Variants in CASP6 observed in about 807,000 individuals in gnomAD.
The protein encoded by CASP6 is caspase 6.
In CASP6, 20 loss-of-function variants were observed where a neutral mutation model predicts 31.8. The ratio of observed to expected loss-of-function variants is 0.63; its 90% CI spans 0.44 to 0.91. The LOEUF is 0.91. Ranked by LOEUF, CASP6 falls within the 40% of genes least tolerant of loss-of-function variation. CASP6 has a pLI of 0.00. For synonymous variants in CASP6, 130 were observed against 127.8 expected (o/e 1.02, Z -0.12); for missense variants, 328 against 361.1 (o/e 0.91, Z 0.74).
rs757024540 is a variant in CASP6, at chr4:109,696,781, G to GTTT, written c.231-298_231-296dup. On this transcript the variant is annotated intron_variant, in intron 3 of 6. Coordinates refer to ENST00000265164, the MANE Select transcript of CASP6 (RefSeq NM_001226.4). ...AGAGTAAGGAAAATAACTCAGGCAA[G>GTTT]TTTTTTTTTTTTTTTTTTTTTTGAG... Among the ~76,000 whole-genome samples the GTTT allele has an allele frequency of 4.3e-4, 55 of 126,720 alleles. 1 individual carries two copies. The highest frequency in any genetic ancestry group is 1.2e-3 in the African/African-American group (40 of 33,144). The allele number at this position is 126,720 out of a possible 152,430, so 83.1% of individuals were successfully genotyped here. A position where few individuals can be genotyped will look rare whatever the true frequency, so the allele number is the denominator to read the frequency against.
downstream of CASP6, chr4:109,685,146 T>C: frequency 4.8e-6 from 3 of 623,468 alleles, no homozygotes; most frequent in South Asian, 6.4e-5. Flanking sequence ...CACTCATTCA[T>C]CTGCCTTCTT....
In CASP6 at chr4:109,689,250, G is replaced by C; in HGVS notation, c.*80C>G. The C allele has an allele frequency of 7.4e-7, 1 of 1,343,932 alleles. No individual in the cohort carries two copies. Among genetic ancestry groups the C allele is most frequent in the Non-Finnish European group, 1.1e-6 (1 of 950,118 alleles). The allele number at this position is 1,343,932 out of a possible 1,614,324, so 83.3% of individuals were successfully genotyped here. On this transcript the variant is annotated 3_prime_UTR_variant, in exon 7 of 7. Transcript: ENST00000265164. Reference sequence around the variant, plus strand: ...CCCACCTTGGACTCCCAAAGTGCTGGGATTACAGGTGTGAGTAACCACGCC... The same window carrying C: ...CCCACCTTGGACTCCCAAAGTGCTGCGATTACAGGTGTGAGTAACCACGCC...
chr4:109,677,671 GCT>G, the CASP6 span, among the ~76,000 whole-genome samples: 1 of 152,128 alleles, frequency 6.6e-6, no homozygotes, highest in Admixed American at 6.6e-5. Flanking sequence ...GCCCCTGCTT[GCT>G]CTCTCTCACC....
chr4:109,681,379 A>G, the CASP6 span: 1 of 421,368 alleles, frequency 2.4e-6, no homozygotes, highest in African/African-American at 2.0e-5. Flanking sequence ...TGCAGTCTCC[A>G]AGCTGAAAAG....
chr4:109,694,335 T>C (rs1730170864), intron 5 of CASP6, among the ~76,000 whole-genome samples, 190 bp downstream of exon 5: 1 of 152,228 alleles, frequency 6.6e-6, no homozygotes, highest in Non-Finnish European at 1.5e-5. Context: ...GCTGTTATTT[T>C]GTAATATAGA....
rs375725324 is a variant in CASP6, at chr4:109,696,535, T to C, written c.231-49A>G. 491 of 1,239,810 alleles carry C rather than the reference T, an allele frequency of 4.0e-4. 1 individual carries two copies. Among genetic ancestry groups the C allele is most frequent in the Non-Finnish European group, 5.5e-4 (474 of 858,354 alleles). 76.8% of individuals were successfully genotyped at this position (1,239,810 alleles called of 1,614,324 possible). A position where few individuals can be genotyped will look rare whatever the true frequency, so the allele number is the denominator to read the frequency against. ...TTAGCCTATAAACTTTTCAAAGTTGTCAAATACCCTTACTTTGGAAGAATC... is the reference window on the plus strand; with the variant it reads ...TTAGCCTATAAACTTTTCAAAGTTGCCAAATACCCTTACTTTGGAAGAATC... On this transcript the variant is annotated intron_variant, in intron 3 of 6. Coordinates refer to ENST00000265164, the MANE Select transcript of CASP6 (RefSeq NM_001226.4).
upstream of CASP6, chr4:109,703,498 T>TTCCTCGGCGGCCCC: frequency 3.5e-6 from 5 of 1,449,004 alleles, no homozygotes; most frequent in Non-Finnish European, 4.7e-6. Flanking sequence ...CCCCGCCCCC[T>TTCCTCGGCGGCCCC]GCCCCCGAGC....
the CASP6 span, among the ~76,000 whole-genome samples, chr4:109,677,381 G>A: frequency 6.6e-6 from 1 of 152,082 alleles, no homozygotes; most frequent in Admixed American, 6.5e-5. Flanking sequence ...ATGAGACTTT[G>A]GAATTGGACT....
downstream of CASP6, among the ~76,000 whole-genome samples, chr4:109,684,200 C>CTCAGA (rs2126152810): frequency 6.6e-6 from 1 of 151,888 alleles, no homozygotes; most frequent in East Asian, 1.9e-4. Flanking sequence ...GTATCTGGGA[C>CTCAGA]TACAGGCGCC....
At chr4:109,679,551 C>A in the CASP6 span, among the ~76,000 whole-genome samples, 31 of 151,970 alleles carry the variant, frequency 2.0e-4, no homozygotes, top group African/African-American at 7.3e-4. Flanking sequence ...CAGGCCGAGG[C>A]AGGGAGGTTG....
the CASP6 span, chr4:109,682,883 C>A: frequency 1.7e-6 from 1 of 595,002 alleles, no homozygotes; most frequent in Non-Finnish European, 2.9e-6. Flanking sequence ...AAGTTCAGTG[C>A]TTTTATCTTC....
Position 109,689,265 on chromosome 4 carries a change from G to A in CASP6, c.*65C>T. On this transcript the variant is annotated 3_prime_UTR_variant, in exon 7 of 7. Coordinates refer to ENST00000265164, the MANE Select transcript of CASP6 (RefSeq NM_001226.4). ...CAAAGTGCTGGGATTACAGGTGTGA[G>A]TAACCACGCCTGGCTGAGAAAGCCA... The A allele has an allele frequency of 6.8e-7, 1 of 1,474,874 alleles. No individual in the cohort carries two copies. Among genetic ancestry groups the A allele is most frequent in the Non-Finnish European group, 9.4e-7 (1 of 1,061,468 alleles). The allele number at this position is 1,474,874 out of a possible 1,614,324, so 91.4% of individuals were successfully genotyped here. A position where few individuals can be genotyped will look rare whatever the true frequency, so the allele number is the denominator to read the frequency against.
At chr4:109,707,433 C>T (rs138193056), upstream of CASP6, among the ~76,000 whole-genome samples, 1 of 148,350 alleles carries the variant, frequency 6.7e-6, no homozygotes, top group Non-Finnish European at 1.5e-5. Context: ...GTTGCCCAGG[C>T]TGGAGTGCAA....
At chr4:109,694,847 T>G in intron 4 of CASP6, 147 bp from the exon 5 acceptor site, 1 of 792,526 alleles carries the variant, frequency 1.3e-6, no homozygotes. Context: ...TTTTGTTTTT[T>G]TGAGACAGAG....
the CASP6 span, chr4:109,674,108 C>G: frequency 3.5e-6 from 5 of 1,444,484 alleles, no homozygotes; most frequent in East Asian, 1.1e-4. Context: ...GAATTCTGGG[C>G]AAAACCTAAG....
chr4:109,693,925 G>T (rs1730157447), intron 5 of CASP6, among the ~76,000 whole-genome samples: 1 of 151,802 alleles, frequency 6.6e-6, no homozygotes, highest in African/African-American at 2.4e-5. Flanking sequence ...TTTTAGTAGA[G>T]ACAGGGTTTC....
chr4:109,686,399 A>T (rs546126186), downstream of CASP6, among the ~76,000 whole-genome samples: 1 of 152,308 alleles, frequency 6.6e-6, no homozygotes, highest in East Asian at 1.9e-4. Context: ...TTGGCCTCCC[A>T]AAGTGTTAGG....
chr4:109,687,391 C>T, downstream of CASP6: 2 of 636,522 alleles, frequency 3.1e-6, no homozygotes, highest in South Asian at 4.1e-5. Flanking sequence ...AGCCATTTGC[C>T]ACTAATAGTT....
chr4:109,667,645 C>T, the CASP6 span, among the ~76,000 whole-genome samples: 11 of 149,798 alleles, frequency 7.3e-5, no homozygotes, highest in South Asian at 2.3e-3. Flanking sequence ...ATATTATATA[C>T]TCTACATAAT....
Sources: gnomAD v4.1 joint callset for allele counts (sites outside exome capture counted in the v4.1 genomes callset) on GRCh38, gnomAD v4.1.1 for gene constraint, MANE v1.5 for transcripts, NCBI Gene and HGNC (gene_info 2026-07-23, HGNC 2026-07-21) for gene names.